Variants in GPR139 observed in about 807,000 individuals in gnomAD.
GPR139 encodes probable G protein-coupled receptor 139.
GPR139 carries 12 observed loss-of-function variants against 25.8 expected under a neutral mutation model. The observed-to-expected ratio is 0.47, with a 90% CI of 0.30 to 0.75. GPR139 has a LOEUF of 0.75. Among genes scored for constraint, GPR139 ranks in the 30% least tolerant of loss-of-function variants. The pLI, the probability that GPR139 is intolerant of heterozygous loss-of-function variation, is 0.07. For synonymous variants in GPR139, 184 were observed against 179.9 expected (o/e 1.02, Z -0.18); for missense variants, 380 against 450.2 (o/e 0.84, Z 1.41).
chr16:20,041,013 A>G (rs1337019523), intron 1 of GPR139, among the ~76,000 whole-genome samples: 1 of 151,124 alleles, frequency 6.6e-6, no homozygotes, highest in Non-Finnish European at 1.5e-5. Flanking sequence ...ACTTAAAAGC[A>G]TCTCTCCCTT....
At chr16:20,033,958 T>C (rs750180287) in intron 1 of GPR139, among the ~76,000 whole-genome samples, 28 of 150,822 alleles carry the variant, frequency 1.9e-4, no homozygotes, top group Non-Finnish European at 3.7e-4. Flanking sequence ...GTCTTGAAAA[T>C]ACATCTATAT....
rs1303105921 is a variant in GPR139, at chr16:20,031,322, C to A, written c.*413G>T. Among the ~76,000 whole-genome samples the A allele has an allele frequency of 6.6e-6, 1 of 152,124 alleles. No individual in the cohort carries two copies. Among genetic ancestry groups the A allele is most frequent in the East Asian group, 1.9e-4 (1 of 5,188 alleles). ...AGGGAAGTGATGAATGACCTCAGCTCTCGGAAGAAGAGTGCAGGCTCAGCT... is the reference window on the plus strand; with the variant it reads ...AGGGAAGTGATGAATGACCTCAGCTATCGGAAGAAGAGTGCAGGCTCAGCT... On this transcript the variant is annotated 3_prime_UTR_variant, in exon 2 of 2. Transcript: ENST00000570682.
Position 20,032,185 on chromosome 16 carries a change from T to G in GPR139, c.612A>C (p.Ser204=), listed in dbSNP as rs755464205. The part of the protein sequence containing the change: ...VPCSIFFILN[S]IIVYKLRRKS... ...TCCTCCTGAGCTTGTACACAATGATTGAGTTCAAGATGAAGAAGATGGAGC... is the reference window on the plus strand; with the variant it reads ...TCCTCCTGAGCTTGTACACAATGATGGAGTTCAAGATGAAGAAGATGGAGC... Residue 204 remains serine (S), a synonymous_variant, in exon 2 of 2, where the codon TCA becomes TCC. Transcript: ENST00000570682. The G allele has an allele frequency of 2.5e-6, 4 of 1,614,130 alleles. No homozygotes were observed. The East Asian group carries it at 8.9e-5, about 36-fold the overall frequency.
chr16:20,056,261 C>T (rs772122254), intron 1 of GPR139, among the ~76,000 whole-genome samples: 4 of 152,190 alleles, frequency 2.6e-5, no homozygotes, highest in South Asian at 4.1e-4. Context: ...TCTTTTTGCA[C>T]GTCATACATC....
At position 20,029,499 on chromosome 16, in the gene GPR139, A is replaced by G. The variant is rs974660439; in HGVS notation, c.*2236T>C. On this transcript the variant is annotated 3_prime_UTR_variant, in exon 2 of 2. Transcript: ENST00000570682. ...TAAATAAATAAATATATATATATAT[A>G]TATATTCAGTATAGGTAGCCTTTGG... Among the ~76,000 whole-genome samples, 1 of 150,844 alleles carries G rather than the reference A, an allele frequency of 6.6e-6. No homozygotes were observed. The highest frequency in any genetic ancestry group is 2.4e-5 in the African/African-American group (1 of 41,222).
intron 1 of GPR139, among the ~76,000 whole-genome samples, chr16:20,053,010 C>G (rs2057377760): frequency 6.6e-6 from 1 of 152,076 alleles, no homozygotes; most frequent in Non-Finnish European, 1.5e-5. Context: ...CCAAAGCTCT[C>G]TCTCCCTCAA....
intron 1 of GPR139, among the ~76,000 whole-genome samples, chr16:20,065,070 T>C (rs1790616881): frequency 6.6e-6 from 1 of 152,122 alleles, no homozygotes; most frequent in South Asian, 2.1e-4. Context: ...TTTTCTCCAC[T>C]TGCTGTGACC....
intron 1 of GPR139, among the ~76,000 whole-genome samples, chr16:20,040,644 A>G (rs2057326452): frequency 6.6e-6 from 1 of 152,142 alleles, no homozygotes; most frequent in African/African-American, 2.4e-5. Context: ...AGGGTAACAC[A>G]CTTTTCTTCC....
intron 1 of GPR139, among the ~76,000 whole-genome samples, chr16:20,040,737 T>A (rs1375794774): frequency 6.6e-6 from 1 of 152,078 alleles, no homozygotes. Flanking sequence ...ATTTGTAAGA[T>A]GGAAAAGAGC....
intron 1 of GPR139, among the ~76,000 whole-genome samples, chr16:20,038,682 G>A (rs1390134153): frequency 6.6e-6 from 1 of 152,116 alleles, no homozygotes; most frequent in African/African-American, 2.4e-5. Context: ...CTGGGGTGGG[G>A]TGGGAGAAAG....
chr16:20,068,883 A>T (rs955147009), intron 1 of GPR139, among the ~76,000 whole-genome samples: 6 of 146,626 alleles, frequency 4.1e-5, no homozygotes, highest in East Asian at 4.0e-4. Context: ...ATGCCTTAAA[A>T]TTTTTTTTTT....
chr16:20,065,877 CAA>C (rs11307746), intron 1 of GPR139, among the ~76,000 whole-genome samples: 19,352 of 118,722 alleles, frequency 0.16, 1,324 homozygotes, highest in East Asian at 0.29. Context: ...GAGACTATCT[CAA>C]AAAAAAAAAA....
chr16:20,054,729 T>G (rs1442756892), intron 1 of GPR139, among the ~76,000 whole-genome samples: 1 of 151,842 alleles, frequency 6.6e-6, no homozygotes, highest in Non-Finnish European at 1.5e-5. Flanking sequence ...TTTCTTTCCT[T>G]CTTTTTTCTT....
chr16:20,036,258 G>T (rs576050045), intron 1 of GPR139, among the ~76,000 whole-genome samples: 2 of 152,244 alleles, frequency 1.3e-5, no homozygotes, highest in Admixed American at 1.3e-4. Flanking sequence ...AGGTCTAAAG[G>T]TCTATTGAAT....
At chr16:20,049,436 C>T (rs1414564436) in intron 1 of GPR139, among the ~76,000 whole-genome samples, 1 of 152,172 alleles carries the variant, frequency 6.6e-6, no homozygotes, top group Non-Finnish European at 1.5e-5. Context: ...ATCAAATTCC[C>T]CACTTACTGA....
rs138553459 is a variant in GPR139 at position 20,073,194 on chromosome 16, C to A, written c.127+296G>T. On this transcript the variant is annotated intron_variant, in intron 1 of 1. Coordinates refer to ENST00000570682, the MANE Select transcript of GPR139 (RefSeq NM_001002911.4). The surrounding 1 kb of genome is among the most constrained non-coding windows in gnomAD (Gnocchi z 4.7). Reference sequence around the variant, plus strand: ...AAGCCGCCCCCTCCAGATGCGCGCACAAATGCACCTTCGAATCCATGCTCA... The same window carrying A: ...AAGCCGCCCCCTCCAGATGCGCGCAAAAATGCACCTTCGAATCCATGCTCA... Among the ~76,000 whole-genome samples, 1 of 151,766 alleles carries A rather than the reference C, an allele frequency of 6.6e-6. No individual in the cohort carries two copies. Among genetic ancestry groups the A allele is most frequent in the Non-Finnish European group, 1.5e-5 (1 of 67,932 alleles).
intron 1 of GPR139, among the ~76,000 whole-genome samples, chr16:20,068,164 G>A (rs1054147470): frequency 2.0e-5 from 3 of 149,768 alleles, no homozygotes; most frequent in Non-Finnish European, 4.4e-5. Flanking sequence ...GTGATGGAAG[G>A]GAGACTTTCC....
chr16:20,029,185 C>T lies in GPR139; in HGVS notation c.*2550G>A, dbSNP rs1387325195. Among the ~76,000 whole-genome samples, 2 of 151,874 alleles carry T rather than the reference C, an allele frequency of 1.3e-5. No individual in the cohort carries two copies. The stretch of plus-strand genomic sequence containing the variant: ...CATGTAGCAAAATATAAAATATATT[C>T]GGAGGAAAAGAGATCACAATACCAC... On this transcript the variant is annotated 3_prime_UTR_variant, in exon 2 of 2. Transcript: ENST00000570682.
intron 1 of GPR139, among the ~76,000 whole-genome samples, chr16:20,052,661 G>A (rs536295171): frequency 6.6e-6 from 1 of 152,120 alleles, no homozygotes; most frequent in Admixed American, 6.5e-5. Context: ...GCCGGGCGTG[G>A]TGGCGGGCAC....
Sources: allele counts gnomAD v4.1 joint callset (sites outside exome capture counted in the v4.1 genomes callset), GRCh38; gene constraint gnomAD v4.1.1; non-coding constraint Gnocchi (gnomAD v3.1); transcripts MANE v1.5; gene names NCBI Gene and HGNC (gene_info 2026-07-23, HGNC 2026-07-21).